Variants in LEKR1 observed in about 807,000 individuals in gnomAD.
LEKR1 encodes the protein protein LEKR1.
In LEKR1, 59 loss-of-function variants were observed where a neutral mutation model predicts 72.4. The observed-to-expected ratio is 0.82, with a 90% confidence interval of 0.66 to 1.01. LEKR1 has a LOEUF of 1.01. Ranked by LOEUF, LEKR1 falls within the 50% of genes least tolerant of loss-of-function variation. The pLI, the probability that LEKR1 is intolerant of heterozygous loss-of-function variation, is 0.00. For missense variants in LEKR1, 728 were observed against 759.2 expected (o/e 0.96, Z 0.48); for synonymous variants, 257 against 263.2 (o/e 0.98, Z 0.23).
chr3:156,961,791 T>C (rs1285856259), intron 6 of LEKR1, among the ~76,000 whole-genome samples: 1 of 152,172 alleles, frequency 6.6e-6, no homozygotes, highest in East Asian at 1.9e-4. Flanking sequence ...ATCTGTAAAT[T>C]GGGAATATGG....
chr3:156,946,061 A>G (rs1726650566), intron 6 of LEKR1, among the ~76,000 whole-genome samples: 1 of 151,728 alleles, frequency 6.6e-6, no homozygotes, highest in African/African-American at 2.4e-5. Context: ...TTTTAATAAT[A>G]TTGATTTTTC....
chr3:156,844,660 G>A (rs1335506773), intron 2 of LEKR1, among the ~76,000 whole-genome samples: 12 of 152,046 alleles, frequency 7.9e-5, no homozygotes, highest in Admixed American at 7.9e-4. Flanking sequence ...TAATTTTCTG[G>A]AGTTTCATTA....
chr3:156,878,521 A>T, intron 3 of LEKR1, among the ~76,000 whole-genome samples: 1 of 152,210 alleles, frequency 6.6e-6, no homozygotes, highest in East Asian at 1.9e-4. Flanking sequence ...TCTTAAATTT[A>T]TTGAGACTTG....
At chr3:156,898,962 T>C (rs1236541013) in intron 3 of LEKR1, among the ~76,000 whole-genome samples, 2 of 152,176 alleles carry the variant, frequency 1.3e-5, no homozygotes, top group African/African-American at 4.8e-5. Context: ...GCCTTTCGCA[T>C]AGTTGATGCT....
chr3:156,852,858 A>G lies in LEKR1; in HGVS notation c.139A>G (p.Met47Val), dbSNP rs537287455. ...GGCTATGGAAGAAAAAGTGAAAGCA[A>G]TGGAAAAAGAGATGAAATTTTATCA... Reference protein sequence around the residue: ...FKAMEEKVKAMEKEMKFYQGS... With the variant: ...FKAMEEKVKAVEKEMKFYQGS... The change falls in exon 3 of 13, where the codon ATG (methionine) becomes GTG (valine). Residue 47 changes from methionine to valine, a missense_variant. Physicochemically the swap from Met to Val is conservative, Grantham distance 21. Coordinates refer to ENST00000356539, the MANE Select transcript of LEKR1 (RefSeq NM_001004316.3). The G allele has an allele frequency of 3.1e-5, 47 of 1,534,872 alleles. No individual in the cohort carries two copies. The South Asian group carries it at 3.3e-4, about 11-fold the overall frequency.
At chr3:156,895,736 A>G (rs1381337026) in intron 3 of LEKR1, among the ~76,000 whole-genome samples, 1 of 152,228 alleles carries the variant, frequency 6.6e-6, no homozygotes, top group African/African-American at 2.4e-5. Flanking sequence ...TTGCAGAGAA[A>G]AAGGAATGCT....
At chr3:157,025,204 G>A (rs1190359425) in intron 11 of LEKR1, among the ~76,000 whole-genome samples, 2 of 152,084 alleles carry the variant, frequency 1.3e-5, no homozygotes, top group South Asian at 2.1e-4. Context: ...AATTAGTACG[G>A]CTAGATATTT....
chr3:156,843,677 T>C (rs891297535), intron 2 of LEKR1, among the ~76,000 whole-genome samples: 5 of 152,142 alleles, frequency 3.3e-5, no homozygotes, highest in African/African-American at 1.2e-4. Context: ...CAAGCACAGA[T>C]GGTCATTGCC....
At chr3:156,976,887 A>G (rs1729740027) in intron 6 of LEKR1, among the ~76,000 whole-genome samples, 1 of 152,224 alleles carries the variant, frequency 6.6e-6, no homozygotes, top group African/African-American at 2.4e-5. Context: ...AAATTATATG[A>G]AATCAATAAA....
chr3:157,007,785 A>T (rs947115207), intron 9 of LEKR1, among the ~76,000 whole-genome samples: 1 of 152,260 alleles, frequency 6.6e-6, no homozygotes, highest in African/African-American at 2.4e-5. Flanking sequence ...GATAACACAT[A>T]ATCCAAGAAA....
intron 12 of LEKR1, among the ~76,000 whole-genome samples, chr3:157,035,949 T>C (rs6765256): frequency 0.71 from 108,377 of 152,024 alleles, 39,192 homozygotes; most frequent in East Asian, 0.93. Context: ...GTTGGGATAT[T>C]CCAATGAAAT....
intron 2 of LEKR1, among the ~76,000 whole-genome samples, chr3:156,846,915 C>T (rs1469526091): frequency 6.6e-6 from 1 of 152,138 alleles, no homozygotes; most frequent in Non-Finnish European, 1.5e-5. Flanking sequence ...TGGGCTCAAG[C>T]AACCCTCCCA....
intron 9 of LEKR1, among the ~76,000 whole-genome samples, chr3:156,996,881 A>G (rs1731618231): frequency 6.6e-6 from 1 of 152,118 alleles, no homozygotes; most frequent in Admixed American, 6.5e-5. Context: ...CCTGGCCAAC[A>G]TAGTGAAACC....
chr3:156,959,327 G>T (rs1444103548), intron 6 of LEKR1, among the ~76,000 whole-genome samples: 1 of 151,986 alleles, frequency 6.6e-6, no homozygotes, highest in Non-Finnish European at 1.5e-5. Context: ...TTCACTTTTT[G>T]TTATGAACTT....
intron 1 of LEKR1, chr3:156,826,959 A>G (rs1223886180): frequency 6.4e-6 from 1 of 155,444 alleles, no homozygotes; most frequent in Non-Finnish European, 1.5e-5. Context: ...ATTTTAAAAA[A>G]TGTCTTTTCG....
chr3:157,034,606 A>G (rs191441925), intron 12 of LEKR1, among the ~76,000 whole-genome samples: 3 of 152,206 alleles, frequency 2.0e-5, no homozygotes, highest in Non-Finnish European at 4.4e-5. Context: ...ATGCTGCAAA[A>G]AATATTGAAA....
chr3:156,929,555 G>A (rs1725018534), intron 5 of LEKR1, among the ~76,000 whole-genome samples: 1 of 152,016 alleles, frequency 6.6e-6, no homozygotes, highest in African/African-American at 2.4e-5. Flanking sequence ...AATTCCAATG[G>A]GATGCCGCAA....
intron 6 of LEKR1, among the ~76,000 whole-genome samples, chr3:156,975,299 T>C (rs976774553): frequency 6.6e-6 from 1 of 151,984 alleles, no homozygotes; most frequent in East Asian, 1.9e-4. Context: ...CTATTTTACA[T>C]TAAAAAAAAA....
intron 3 of LEKR1, among the ~76,000 whole-genome samples, chr3:156,856,478 A>C (rs933697539): frequency 2.2e-4 from 33 of 152,132 alleles, no homozygotes; most frequent in African/African-American, 7.2e-4. Flanking sequence ...ATTCCATAAA[A>C]CATGCTGTGT....
Sources: allele counts gnomAD v4.1 joint callset (sites outside exome capture counted in the v4.1 genomes callset), GRCh38; gene constraint gnomAD v4.1.1; transcripts MANE v1.5; gene names NCBI Gene and HGNC (gene_info 2026-07-23, HGNC 2026-07-21).